The following ODAD2 variants were observed in gnomAD, a reference collection of about 807,000 sequenced individuals.
ODAD2 encodes outer dynein arm-docking complex subunit 2.
A neutral mutation model predicts 106.8 loss-of-function variants in ODAD2; 89 were observed. That is an observed-to-expected ratio of 0.83 (90% CI 0.70 to 0.99). The LOEUF (loss-of-function observed/expected upper bound fraction) is 0.99. Among genes scored for constraint, ODAD2 ranks in the 50% least tolerant of loss-of-function variants. The pLI, the probability that ODAD2 is intolerant of heterozygous loss-of-function variation, is 0.00. For synonymous variants in ODAD2, 404 were observed against 436.2 expected, an observed-to-expected ratio of 0.93 and a Z score of 0.92; for missense variants, 1,168 against 1,238.5, an observed-to-expected ratio of 0.94 and a Z score of 0.85.
intron 16 of ODAD2, among the ~76,000 whole-genome samples, chr10:27,919,503 TTAAC>T (rs1844626474): frequency 6.6e-6 from 1 of 152,078 alleles, no homozygotes; most frequent in Non-Finnish European, 1.5e-5. Context: ...GCAAAAGACT[TTAAC>T]AGGCCACAAA....
intron 10 of ODAD2, among the ~76,000 whole-genome samples, chr10:27,947,923 C>T (rs548451134): frequency 1.6e-4 from 24 of 152,302 alleles, no homozygotes; most frequent in African/African-American, 5.1e-4. Flanking sequence ...TAGCAATTTT[C>T]GAGCTTATAC....
intron 10 of ODAD2, among the ~76,000 whole-genome samples, chr10:27,954,841 A>G (rs373259459): frequency 1.4e-3 from 215 of 152,346 alleles, no homozygotes; most frequent in Middle Eastern, 3.4e-3. Flanking sequence ...TTTGTGGGCA[A>G]TATAAGCATA....
chr10:27,934,612 G>T (rs945660089), intron 16 of ODAD2, among the ~76,000 whole-genome samples: 1 of 151,876 alleles, frequency 6.6e-6, no homozygotes, highest in Non-Finnish European at 1.5e-5. Flanking sequence ...CACAGTTCTT[G>T]CCAGGTGCTC....
At chr10:27,931,980 T>C (rs1389744168) in intron 16 of ODAD2, among the ~76,000 whole-genome samples, 1 of 152,032 alleles carries the variant, frequency 6.6e-6, no homozygotes, top group Non-Finnish European at 1.5e-5. Flanking sequence ...TAGCTTAGAC[T>C]AGCCCACCTT....
intron 17 of ODAD2, among the ~76,000 whole-genome samples, chr10:27,865,519 C>T (rs1840375599): frequency 1.3e-5 from 2 of 152,152 alleles, no homozygotes; most frequent in African/African-American, 4.8e-5. Flanking sequence ...GGTTAAGTGG[C>T]ATCTTCCATA....
At chr10:27,874,925 T>C (rs959730429) in intron 17 of ODAD2, among the ~76,000 whole-genome samples, 10 of 152,224 alleles carry the variant, frequency 6.6e-5, no homozygotes, top group African/African-American at 2.4e-4. Flanking sequence ...GGGGAAGTTC[T>C]CCTGGATAAT....
chr10:27,978,790 T>C (rs1312758592), intron 7 of ODAD2, among the ~76,000 whole-genome samples: 2 of 151,376 alleles, frequency 1.3e-5, no homozygotes, highest in Non-Finnish European at 2.9e-5. Context: ...AGACTCCATC[T>C]CAAAAAAAGA....
At chr10:27,870,708 TATTAC>T (rs1372453396) in intron 17 of ODAD2, among the ~76,000 whole-genome samples, 4 of 152,228 alleles carry the variant, frequency 2.6e-5, no homozygotes, top group African/African-American at 4.8e-5. Flanking sequence ...GGCTGCATAG[TATTAC>T]ATGATGTATA....
intron 16 of ODAD2, among the ~76,000 whole-genome samples, chr10:27,932,071 A>G (rs899552209): frequency 4.6e-5 from 7 of 152,106 alleles, no homozygotes; most frequent in Admixed American, 3.3e-4. Context: ...AGTAGCTAGG[A>G]CTACAGGCGC....
At chr10:27,957,439 T>A (rs972265479) in intron 10 of ODAD2, 2 of 152,178 alleles carry the variant, frequency 1.3e-5, no homozygotes, top group African/African-American at 4.8e-5. Flanking sequence ...AAATTTAATG[T>A]GGTCTCTCTA....
chr10:27,987,763 C>A (rs1301021360), intron 2 of ODAD2, among the ~76,000 whole-genome samples: 1 of 151,648 alleles, frequency 6.6e-6, no homozygotes, highest in African/African-American at 2.4e-5. Flanking sequence ...TAGGATATAA[C>A]CAAGGAAGAA....
At chr10:27,994,559 A>C (rs1248815866) in intron 2 of ODAD2, among the ~76,000 whole-genome samples, 1 of 152,182 alleles carries the variant, frequency 6.6e-6, no homozygotes. Flanking sequence ...GTGAGACCTC[A>C]TCTGTAAAAA....
rs562684824 is a variant in ODAD2 at position 27,900,252 on chromosome 10, C to T, written c.2610+7411G>A. Among the ~76,000 whole-genome samples the T allele has an allele frequency of 2.0e-5, 3 of 152,266 alleles. No homozygotes were observed. In the East Asian group the frequency reaches 5.8e-4, roughly 30 times the overall value. ...GACTGTTAGAAGGAAAACTAACAAA[C>T]AGAAAGGAATAGCATCAACATCAAC... On this transcript the variant is annotated intron_variant, in intron 17 of 19. Coordinates refer to ENST00000305242, the MANE Select transcript of ODAD2 (RefSeq NM_018076.5).
chr10:27,860,524 T>C, intron 19 of ODAD2, 101 bp downstream of exon 19: 1 of 1,104,980 alleles, frequency 9.0e-7, no homozygotes, highest in Admixed American at 2.1e-5. Context: ...CACTTTTGTG[T>C]CTCTGAATAC....
chr10:27,922,082 T>C (rs1450141696), intron 16 of ODAD2, among the ~76,000 whole-genome samples: 1 of 145,980 alleles, frequency 6.9e-6, no homozygotes, highest in African/African-American at 2.5e-5. Flanking sequence ...TGGAAGGATA[T>C]CTTGAGCCCA....
intron 2 of ODAD2, among the ~76,000 whole-genome samples, chr10:27,989,626 T>G (rs1850097272): frequency 6.6e-6 from 1 of 152,144 alleles, no homozygotes; most frequent in African/African-American, 2.4e-5. Flanking sequence ...AGGGCACAGG[T>G]GACATTTTTC....
At chr10:27,829,847 T>G (rs1837341139) in intron 19 of ODAD2, among the ~76,000 whole-genome samples, 1 of 152,180 alleles carries the variant, frequency 6.6e-6, no homozygotes, top group Non-Finnish European at 1.5e-5. Context: ...TGTGTTCATT[T>G]CAGAGCCCAT....
intron 19 of ODAD2, among the ~76,000 whole-genome samples, chr10:27,822,145 G>C (rs977848768): frequency 6.6e-6 from 1 of 152,250 alleles, no homozygotes; most frequent in Non-Finnish European, 1.5e-5. Context: ...GCATGCAGCT[G>C]TGACCCACAG....
At chr10:27,963,181 T>C (rs1588620582) in intron 9 of ODAD2, among the ~76,000 whole-genome samples, 1 of 152,248 alleles carries the variant, frequency 6.6e-6, no homozygotes, top group East Asian at 1.9e-4. Flanking sequence ...CTAATTTTTG[T>C]ATTTTTAGTA....
Sources: allele counts gnomAD v4.1 joint callset (sites outside exome capture counted in the v4.1 genomes callset), GRCh38; gene constraint gnomAD v4.1.1; transcripts MANE v1.5; gene names NCBI Gene and HGNC (gene_info 2026-07-23, HGNC 2026-07-21).